Variants in CDH4 observed in about 807,000 individuals in gnomAD.
CDH4 encodes cadherin-4.
Under a neutral mutation model 86.0 loss-of-function variants are expected in CDH4, and 33 were observed. That is an observed-to-expected ratio of 0.38 (90% CI 0.29 to 0.51). The LOEUF is 0.51. Ranked by LOEUF, CDH4 falls within the 20% of genes least tolerant of loss-of-function variation. The pLI is 0.86. For missense variants in CDH4, 1,114 were observed against 1,307.4 expected, an observed-to-expected ratio of 0.85 and a Z score of 2.28; for synonymous variants, 555 against 549.4, an observed-to-expected ratio of 1.01 and a Z score of -0.14.
chr20:61,437,386 TAGC>T (rs1600682395), intron 2 of CDH4: 3 of 152,196 alleles, frequency 2.0e-5, no homozygotes, highest in Non-Finnish European at 4.4e-5. Flanking sequence ...GCCGACGAAA[TAGC>T]AGCCCATCTT....
chr20:61,856,937 G>A lies in CDH4; in HGVS notation c.877+4039G>A, dbSNP rs555848682. Among the ~76,000 whole-genome samples, 7 of 152,312 alleles carry A rather than the reference G, an allele frequency of 4.6e-5. No individual in the cohort carries two copies. The East Asian group carries it at 7.7e-4, about 17-fold the overall frequency. On this transcript the variant is annotated intron_variant, in intron 6 of 15. Coordinates refer to ENST00000614565, the MANE Select transcript of CDH4 (RefSeq NM_001794.5). The stretch of plus-strand genomic sequence containing the variant: ...TGAGATGTGTTTCCAGAGTCTCCCC[G>A]GCCGGTTTTCAACCCCACCCTCCTT...
At chr20:61,683,529 C>T (rs1309966665) in intron 2 of CDH4, among the ~76,000 whole-genome samples, 1 of 152,146 alleles carries the variant, frequency 6.6e-6, no homozygotes, top group Non-Finnish European at 1.5e-5. Flanking sequence ...GAACGGGGTG[C>T]CGTGCTAGAA....
In CDH4 at chr20:61,679,189, G is replaced by A. The variant is rs536638295; in HGVS notation, c.170-64374G>A. ...CTGGTGTTTGCAGTTCACACTCAGC[G>A]TCCACCTTCCATCTCTGTCTCCTCA... is the stretch of plus-strand genomic sequence containing the variant. On this transcript the variant is annotated intron_variant, in intron 2 of 15. Transcript: ENST00000614565. Among the ~76,000 whole-genome samples, 26 of 152,256 alleles carry A rather than the reference G, an allele frequency of 1.7e-4. No individual in the cohort carries two copies. The South Asian group carries it at 1.9e-3, about 11-fold the overall frequency.
intron 2 of CDH4, among the ~76,000 whole-genome samples, chr20:61,272,979 T>A (rs1176217300): frequency 9.2e-5 from 2 of 21,754 alleles, no homozygotes; most frequent in Non-Finnish European, 8.0e-5. Context: ...TGTGCAGTTT[T>A]GGGGAGTACC....
intron 3 of CDH4, among the ~76,000 whole-genome samples, chr20:61,747,088 T>C (rs979721193): frequency 2.0e-5 from 3 of 152,114 alleles, no homozygotes; most frequent in Non-Finnish European, 2.9e-5. Flanking sequence ...GCCTCATGAC[T>C]GGGCACATGA....
chr20:61,526,977 G>A (rs1264939654), intron 2 of CDH4, among the ~76,000 whole-genome samples: 2 of 152,254 alleles, frequency 1.3e-5, no homozygotes, highest in East Asian at 3.9e-4. Context: ...CTACCGCCAA[G>A]GCAGCAGTGA....
intron 2 of CDH4, among the ~76,000 whole-genome samples, chr20:61,545,914 GGT>G (rs1188702955): frequency 1.0e-3 from 153 of 146,032 alleles, no homozygotes; most frequent in Admixed American, 1.4e-3. Flanking sequence ...TGTGTGGAGG[GGT>G]GTGTGTGCAT....
chr20:61,798,135 C>T (rs555358575), intron 4 of CDH4, among the ~76,000 whole-genome samples: 1 of 152,298 alleles, frequency 6.6e-6, no homozygotes, highest in South Asian at 2.1e-4. Flanking sequence ...TCAGTCACCG[C>T]CCTCTCACCC....
At chr20:61,918,692 C>T (rs112921926) in intron 9 of CDH4, among the ~76,000 whole-genome samples, 4 of 152,198 alleles carry the variant, frequency 2.6e-5, no homozygotes, top group African/African-American at 9.6e-5. Context: ...GCGGTGATTG[C>T]GTGGAAGCGT....
At chr20:61,664,089 G>T (rs976334643) in intron 2 of CDH4, among the ~76,000 whole-genome samples, 1 of 152,126 alleles carries the variant, frequency 6.6e-6, no homozygotes, top group African/African-American at 2.4e-5. Context: ...CAGAGAGGAC[G>T]CCCTGCATGT....
At position 61,517,031 on chromosome 20, in the gene CDH4, A is replaced by G. The variant is rs910023544; in HGVS notation, c.170-226532A>G. Among the ~76,000 whole-genome samples, 1 of 152,232 alleles carries G rather than the reference A, an allele frequency of 6.6e-6. No individual in the cohort carries two copies. The highest frequency in any genetic ancestry group is 2.4e-5 in the African/African-American group (1 of 41,462). On this transcript the variant is annotated intron_variant, in intron 2 of 15. Transcript: ENST00000614565. This position sits in a 1 kb window ranked among gnomAD's most constrained non-coding sequence, Gnocchi z 6.6. The stretch of plus-strand genomic sequence containing the variant: ...AACCAGACAGCTCTGCACAGACTGC[A>G]GAGCCCAGTGTGGCCAGCACCCAGC...
chr20:61,333,730 A>G (rs2084599508), intron 2 of CDH4, among the ~76,000 whole-genome samples: 1 of 152,236 alleles, frequency 6.6e-6, no homozygotes, highest in Admixed American at 6.5e-5. Flanking sequence ...TTTCAGGCGA[A>G]GAGCATCGTG....
At chr20:61,697,055 A>G (rs947075244) in intron 2 of CDH4, among the ~76,000 whole-genome samples, 1 of 152,200 alleles carries the variant, frequency 6.6e-6, no homozygotes, top group African/African-American at 2.4e-5. Context: ...CGGAGGGAGC[A>G]TGGCCCTGCA....
chr20:61,373,679 C>T (rs1190935535), intron 2 of CDH4, among the ~76,000 whole-genome samples: 1 of 152,140 alleles, frequency 6.6e-6, no homozygotes, highest in Non-Finnish European at 1.5e-5. Context: ...TGACCTTGGG[C>T]TGATTGTGTG....
intron 13 of CDH4, 59 bp from the exon 14 acceptor site, chr20:61,932,926 A>G: frequency 3.8e-6 from 6 of 1,584,346 alleles, no homozygotes; most frequent in Non-Finnish European, 5.2e-6. Flanking sequence ...TGGCAAACAC[A>G]GAGGCACACA....
At chr20:61,536,017 C>T (rs963112837) in intron 2 of CDH4, among the ~76,000 whole-genome samples, 1 of 152,186 alleles carries the variant, frequency 6.6e-6, no homozygotes, top group African/African-American at 2.4e-5. Context: ...TGCCTGCTTC[C>T]ACTCTGCACT....
chr20:61,792,988 A>T (rs1979290769), intron 4 of CDH4, among the ~76,000 whole-genome samples: 1 of 149,564 alleles, frequency 6.7e-6, no homozygotes, highest in African/African-American at 2.5e-5. Flanking sequence ...TTTGAGACAG[A>T]GTTTCACTCT....
At chr20:61,688,979 C>T (rs1428889598) in intron 2 of CDH4, among the ~76,000 whole-genome samples, 5 of 152,322 alleles carry the variant, frequency 3.3e-5, no homozygotes, top group South Asian at 4.1e-4. Flanking sequence ...TCTTTCAAAC[C>T]GAAAGCCCCA....
intron 2 of CDH4, among the ~76,000 whole-genome samples, chr20:61,657,791 G>A (rs140879769): frequency 2.2e-4 from 33 of 152,350 alleles, no homozygotes; most frequent in African/African-American, 6.7e-4. Context: ...TGGGATTTGT[G>A]ATGGGCCAAA....
Sources: gnomAD v4.1 joint callset for allele counts (sites outside exome capture counted in the v4.1 genomes callset) on GRCh38, gnomAD v4.1.1 for gene constraint, Gnocchi (gnomAD v3.1) non-coding constraint, MANE v1.5 for transcripts, NCBI Gene and HGNC (gene_info 2026-07-23, HGNC 2026-07-21) for gene names.